The following DLC1 variants were observed in gnomAD, a reference collection of about 807,000 sequenced individuals.
The protein encoded by DLC1 is DLC1 Rho GTPase activating protein, also known as rho GTPase-activating protein 7.
Under a neutral mutation model 140.3 loss-of-function variants are expected in DLC1, and 54 were observed. The observed-to-expected ratio is 0.38, with a 90% CI of 0.31 to 0.48. The LOEUF (loss-of-function observed/expected upper bound fraction) is 0.48. DLC1 is among the 20% of genes least tolerant of loss of function. DLC1 has a pLI of 0.96. For missense variants in DLC1, 2,536 were observed against 1,907.0 expected (o/e 1.33, Z -6.14); for synonymous variants, 986 against 728.1 (o/e 1.35, Z -5.70).
chr8:13,318,356 A>G (rs190162316), intron 4 of DLC1, among the ~76,000 whole-genome samples: 33 of 152,274 alleles, frequency 2.2e-4, no homozygotes, highest in African/African-American at 7.9e-4. Context: ...CTTAATAACT[A>G]CCAAAGGGAT....
chr8:13,178,363 C>A (rs950190074), intron 5 of DLC1, among the ~76,000 whole-genome samples: 25 of 152,116 alleles, frequency 1.6e-4, no homozygotes, highest in Non-Finnish European at 2.8e-4. Flanking sequence ...GAGATCAAGA[C>A]CATCCTGGCC....
intron 5 of DLC1, among the ~76,000 whole-genome samples, chr8:13,245,520 A>C (rs1585994074): frequency 6.6e-6 from 1 of 151,712 alleles, no homozygotes; most frequent in Non-Finnish European, 1.5e-5. Context: ...TCTTCCTCTC[A>C]CCCTCTCATT....
At chr8:13,508,452 C>G (rs1342904496) in intron 1 of DLC1, among the ~76,000 whole-genome samples, 2 of 149,244 alleles carry the variant, frequency 1.3e-5, no homozygotes, top group Non-Finnish European at 3.0e-5. Context: ...GAGTCTCGCT[C>G]TGTCGCCCAG....
intron 2 of DLC1, among the ~76,000 whole-genome samples, chr8:13,424,402 T>G (rs1322011895): frequency 1.3e-5 from 2 of 151,876 alleles, no homozygotes; most frequent in Non-Finnish European, 2.9e-5. Context: ...GACAGGAGAA[T>G]TCCTTGAACC....
At chr8:13,252,333 T>C (rs1264885017) in intron 5 of DLC1, among the ~76,000 whole-genome samples, 1 of 152,136 alleles carries the variant, frequency 6.6e-6, no homozygotes, top group Non-Finnish European at 1.5e-5. Flanking sequence ...TAGATATAAC[T>C]GCGACAAAGG....
chr8:13,114,976 A>G (rs1820430751), intron 6 of DLC1, among the ~76,000 whole-genome samples: 1 of 152,208 alleles, frequency 6.6e-6, no homozygotes, highest in African/African-American at 2.4e-5. Flanking sequence ...GTTCCTAGGG[A>G]TAGAAGCAAG....
intron 5 of DLC1, among the ~76,000 whole-genome samples, chr8:13,242,996 A>G (rs1471235360): frequency 6.6e-6 from 1 of 151,912 alleles, no homozygotes; most frequent in Non-Finnish European, 1.5e-5. Context: ...TGTTCTCGTG[A>G]TGGTGAGTGA....
intron 2 of DLC1, among the ~76,000 whole-genome samples, chr8:13,421,057 A>C (rs1427689654): frequency 6.6e-6 from 1 of 152,160 alleles, no homozygotes; most frequent in Non-Finnish European, 1.5e-5. Context: ...TTAAAAAGTT[A>C]AGGGAGTTAG....
chr8:13,454,949 G>C (rs1475432599), intron 2 of DLC1, among the ~76,000 whole-genome samples: 2 of 151,988 alleles, frequency 1.3e-5, no homozygotes, highest in East Asian at 3.9e-4. Context: ...AGCATGTTTG[G>C]GACTTCTTTG....
At chr8:13,322,002 C>G (rs1467451888) in intron 4 of DLC1, among the ~76,000 whole-genome samples, 1 of 151,836 alleles carries the variant, frequency 6.6e-6, no homozygotes, top group African/African-American at 2.4e-5. Flanking sequence ...TTTGGAGAAC[C>G]CTAAATAATA....
intron 1 of DLC1, among the ~76,000 whole-genome samples, chr8:13,563,230 C>T (rs1017937584): frequency 2.0e-5 from 3 of 152,052 alleles, no homozygotes; most frequent in African/African-American, 7.2e-5. Flanking sequence ...TCTAACACTT[C>T]AACTTGCAAA....
chr8:13,407,258 T>C (rs1411765836), intron 2 of DLC1, among the ~76,000 whole-genome samples: 1 of 152,158 alleles, frequency 6.6e-6, no homozygotes, highest in Admixed American at 6.5e-5. Flanking sequence ...CTGGGGAAGA[T>C]GAATAGGGTT....
At chr8:13,432,887 T>A (rs1205497092) in intron 2 of DLC1, among the ~76,000 whole-genome samples, 1 of 149,512 alleles carries the variant, frequency 6.7e-6, no homozygotes, top group African/African-American at 2.4e-5. Context: ...TGCTGTGTGG[T>A]GCTCTACTGC....
At chr8:13,143,846 G>GAGAGAGAC (rs1554584126) in intron 5 of DLC1, among the ~76,000 whole-genome samples, 4 of 148,388 alleles carry the variant, frequency 2.7e-5, no homozygotes, top group African/African-American at 7.4e-5. Context: ...GAGAGAGAGA[G>GAGAGAGAC]AGAGAGACAT....
chr8:13,567,965 C>G (rs1804513944), intron 1 of DLC1: 1 of 1,516,614 alleles, frequency 6.6e-7, no homozygotes. Context: ...GGATAGATGT[C>G]TTTGTTGTGT....
intron 5 of DLC1, among the ~76,000 whole-genome samples, chr8:13,135,398 G>C (rs1181002362): frequency 1.3e-5 from 2 of 151,942 alleles, no homozygotes; most frequent in African/African-American, 2.4e-5. Context: ...AGCCAAGATG[G>C]TCTCGATCTC....
chr8:13,238,622 C>T (rs1278975912), intron 5 of DLC1, among the ~76,000 whole-genome samples: 1 of 152,024 alleles, frequency 6.6e-6, no homozygotes, highest in Non-Finnish European at 1.5e-5. Flanking sequence ...AAAGGCCTCC[C>T]TTCCTTAATC....
chr8:13,343,828 C>A (rs1016986846), intron 4 of DLC1, among the ~76,000 whole-genome samples: 4 of 152,120 alleles, frequency 2.6e-5, no homozygotes, highest in Non-Finnish European at 5.9e-5. Context: ...CAGTTGGCAC[C>A]TTTTCTGGCC....
Position 13,115,669 on chromosome 8 carries a change from C to G in DLC1, c.1349-12G>C. On this transcript the variant is annotated splice_polypyrimidine_tract_variant and intron_variant, in intron 5 of 17. Coordinates refer to ENST00000276297, the MANE Select transcript of DLC1 (RefSeq NM_182643.3). Reference sequence around the variant, plus strand: ...CTTGGCTTCAATTTCTAGAACAGAACAGAAGAAAGACAAAATTAGCCATGT... The same window carrying G: ...CTTGGCTTCAATTTCTAGAACAGAAGAGAAGAAAGACAAAATTAGCCATGT... The G allele has an allele frequency of 6.2e-7, 1 of 1,612,662 alleles. No homozygotes were observed. Among genetic ancestry groups the G allele is most frequent in the Middle Eastern group, 1.7e-4 (1 of 6,056 alleles).
Sources: gnomAD v4.1 joint callset for allele counts (sites outside exome capture counted in the v4.1 genomes callset) on GRCh38, gnomAD v4.1.1 for gene constraint, MANE v1.5 for transcripts, NCBI Gene and HGNC (gene_info 2026-07-23, HGNC 2026-07-21) for gene names.